The following MAF variants were observed in gnomAD, a reference collection of about 807,000 sequenced individuals.
MAF encodes the protein transcription factor Maf.
A neutral mutation model predicts 22.0 loss-of-function variants in MAF; 10 were observed. That is an observed-to-expected ratio of 0.45 (90% CI 0.28 to 0.77). MAF has a LOEUF of 0.77. Ranked by LOEUF, MAF falls within the 30% of genes least tolerant of loss-of-function variation. The pLI is 0.12. For missense variants in MAF, 544 were observed against 548.4 expected, an observed-to-expected ratio of 0.99 and a Z score of 0.08; for synonymous variants, 337 against 255.8, an observed-to-expected ratio of 1.32 and a Z score of -3.03.
chr16:79,532,429 T>G, the MAF span, among the ~76,000 whole-genome samples: 1 of 152,196 alleles, frequency 6.6e-6, no homozygotes, highest in African/African-American at 2.4e-5. Flanking sequence ...GTGCAGTGAG[T>G]AAGAAGCTGG....
chr16:79,324,860 G>C, the MAF span, among the ~76,000 whole-genome samples: 1 of 152,028 alleles, frequency 6.6e-6, no homozygotes, highest in Middle Eastern at 3.2e-3. Context: ...AAGTCCTTAA[G>C]CAAGGTGTCA....
At chr16:79,521,284 G>C in the MAF span, among the ~76,000 whole-genome samples, 1 of 152,158 alleles carries the variant, frequency 6.6e-6, no homozygotes, top group African/African-American at 2.4e-5. Context: ...ACCCCAAGGG[G>C]GTTAATTATA....
At chr16:79,433,204 C>G in the MAF span, among the ~76,000 whole-genome samples, 3 of 151,384 alleles carry the variant, frequency 2.0e-5, no homozygotes, top group African/African-American at 7.3e-5. Flanking sequence ...TATTTATACT[C>G]CTTTTCTCTC....
chr16:79,436,532 C>T, the MAF span, among the ~76,000 whole-genome samples: 31 of 152,200 alleles, frequency 2.0e-4, no homozygotes, highest in Admixed American at 1.6e-3. Context: ...AAGTGCTTCT[C>T]TTGCTTTCTT....
the MAF span, among the ~76,000 whole-genome samples, chr16:79,400,799 AACTACAGCAGTCG>A: frequency 6.6e-6 from 1 of 152,246 alleles, no homozygotes; most frequent in African/African-American, 2.4e-5. Context: ...ATGTTTGTGA[AACTACAGCAGTCG>A]ACTTTCAACC....
the MAF span, among the ~76,000 whole-genome samples, chr16:79,358,411 G>A: frequency 6.6e-6 from 1 of 152,116 alleles, no homozygotes; most frequent in African/African-American, 2.4e-5. Context: ...TGATCCCCTA[G>A]CTGTGATTAT....
At chr16:79,589,780 C>G (rs1913078453), downstream of MAF, among the ~76,000 whole-genome samples, 1 of 152,168 alleles carries the variant, frequency 6.6e-6, no homozygotes, top group Admixed American at 6.5e-5. Flanking sequence ...TGAACACAAT[C>G]CGAGCTCCTG....
the MAF span, among the ~76,000 whole-genome samples, chr16:79,342,885 G>C: frequency 6.6e-6 from 1 of 152,288 alleles, no homozygotes; most frequent in East Asian, 1.9e-4. Context: ...TGGGGTTCTA[G>C]GCCTCCAAAG....
the MAF span, among the ~76,000 whole-genome samples, chr16:79,481,817 G>C: frequency 6.6e-6 from 1 of 152,216 alleles, no homozygotes; most frequent in Non-Finnish European, 1.5e-5. Context: ...CTAGAATGGA[G>C]AGCAATGCCA....
At chr16:79,504,671 G>C in the MAF span, among the ~76,000 whole-genome samples, 4 of 152,082 alleles carry the variant, frequency 2.6e-5, no homozygotes, top group Non-Finnish European at 5.9e-5. Context: ...ATGTATGTTT[G>C]ATGGATGGAT....
the MAF span, among the ~76,000 whole-genome samples, chr16:79,477,996 C>T: frequency 6.6e-6 from 1 of 152,122 alleles, no homozygotes; most frequent in African/African-American, 2.4e-5. Context: ...GCTGGGATTA[C>T]AGGTGTGAGC....
At chr16:79,352,384 G>C in the MAF span, among the ~76,000 whole-genome samples, 2 of 152,146 alleles carry the variant, frequency 1.3e-5, no homozygotes, top group African/African-American at 4.8e-5. Context: ...GTAAGGAGGT[G>C]TCATAGCACT....
the MAF span, among the ~76,000 whole-genome samples, chr16:79,444,614 C>T: frequency 3.9e-5 from 6 of 152,272 alleles, no homozygotes; most frequent in Admixed American, 2.0e-4. Flanking sequence ...TGAGAAGATT[C>T]GGGCCAGTTT....
At chr16:79,276,245 G>T in the MAF span, among the ~76,000 whole-genome samples, 2 of 152,294 alleles carry the variant, frequency 1.3e-5, no homozygotes, top group East Asian at 3.9e-4. Context: ...TGAACAGTGT[G>T]CATTTTGAGG....
chr16:79,582,494 G>T (rs1912581673), downstream of MAF, among the ~76,000 whole-genome samples: 1 of 152,048 alleles, frequency 6.6e-6, no homozygotes, highest in Non-Finnish European at 1.5e-5. Flanking sequence ...AGTTTATATG[G>T]CATAATTAGG....
the MAF span, among the ~76,000 whole-genome samples, chr16:79,291,030 C>T: frequency 8.2e-3 from 1,254 of 152,206 alleles, 14 homozygotes; most frequent in African/African-American, 0.028. Context: ...TACGAATGCT[C>T]GAGTGTAGTC....
the MAF span, among the ~76,000 whole-genome samples, chr16:79,335,410 C>G: frequency 6.6e-6 from 1 of 152,158 alleles, no homozygotes; most frequent in Non-Finnish European, 1.5e-5. Flanking sequence ...AGAGCTAAGT[C>G]AAGCTGAAAT....
At chr16:79,298,960 C>T in the MAF span, among the ~76,000 whole-genome samples, 64 of 152,396 alleles carry the variant, frequency 4.2e-4, no homozygotes, top group Non-Finnish European at 7.8e-4. Flanking sequence ...GCCCCCTGAG[C>T]GCCTGGCCCA....
chr16:79,531,763 A>G, the MAF span, among the ~76,000 whole-genome samples: 43 of 152,086 alleles, frequency 2.8e-4, no homozygotes, highest in African/African-American at 9.9e-4. Context: ...TCACCCACGC[A>G]CTCATCACTC....
Sources: allele counts gnomAD v4.1 joint callset (sites outside exome capture counted in the v4.1 genomes callset), GRCh38; gene constraint gnomAD v4.1.1; transcripts MANE v1.5; gene names NCBI Gene and HGNC (gene_info 2026-07-23, HGNC 2026-07-21).